Variants in RAP1GAP observed in about 807,000 individuals in gnomAD.
RAP1GAP encodes the protein RAP1 GTPase activating protein.
Under a neutral mutation model 87.2 loss-of-function variants are expected in RAP1GAP, and 35 were observed. That is an observed-to-expected ratio of 0.40 (90% confidence interval 0.31 to 0.53). The LOEUF is 0.53. Among genes scored for constraint, RAP1GAP ranks in the 20% least tolerant of loss-of-function variants. The pLI is 0.48. For synonymous variants in RAP1GAP, 375 were observed against 363.9 expected (o/e 1.03, Z -0.35); for missense variants, 734 against 898.9 (o/e 0.82, Z 2.35).
intron 2 of RAP1GAP, among the ~76,000 whole-genome samples, chr1:21,640,285 G>A (rs1026412469): frequency 2.6e-5 from 4 of 152,116 alleles, no homozygotes; most frequent in East Asian, 1.9e-4. Context: ...AAGCTGCTCC[G>A]AACCTGACCA....
chr1:21,639,737 C>T (rs1431090346), intron 2 of RAP1GAP, among the ~76,000 whole-genome samples: 4 of 152,144 alleles, frequency 2.6e-5, no homozygotes, highest in Non-Finnish European at 4.4e-5. Flanking sequence ...CTGGCTGGAC[C>T]CCAGGGCCCT....
chr1:21,613,719 A>G lies in RAP1GAP; in HGVS notation c.396-13T>C, dbSNP rs1296668032. The G allele has an allele frequency of 6.2e-7, 1 of 1,605,124 alleles. No homozygotes were observed. Among genetic ancestry groups the G allele is most frequent in the African/African-American group, 1.3e-5 (1 of 74,842 alleles). On this transcript the variant is annotated splice_polypyrimidine_tract_variant and intron_variant, in intron 8 of 24. Transcript: ENST00000374765. The surrounding 1 kb of genome is among the most constrained non-coding windows in gnomAD (Gnocchi z 4.7). ...CCGGCACTTGGTCCTGAGAAGAGAA[A>G]GTCACACGATGAAGGCCTGGGCAGC...
At position 21,613,825 on chromosome 1, in the gene RAP1GAP, T is replaced by C. The variant is rs893186559; in HGVS notation, c.396-119A>G. 1 of 1,191,796 alleles carries C rather than the reference T, an allele frequency of 8.4e-7. No individual in the cohort carries two copies. Among genetic ancestry groups the C allele is most frequent in the African/African-American group, 1.5e-5 (1 of 66,762 alleles). The allele number at this position is 1,191,796 out of a possible 1,614,324, so 73.8% of individuals were successfully genotyped here. ...CCACAGCGAGGACCAGAGGTGATGATGGGTGTCAGGCTGACTCGGGTACTA... is the reference window on the plus strand; with the variant it reads ...CCACAGCGAGGACCAGAGGTGATGACGGGTGTCAGGCTGACTCGGGTACTA... On this transcript the variant is annotated intron_variant, in intron 8 of 24. Transcript: ENST00000374765. This position sits in a 1 kb window ranked among gnomAD's most constrained non-coding sequence, Gnocchi z 4.7.
intron 18 of RAP1GAP, among the ~76,000 whole-genome samples, chr1:21,604,587 TG>T (rs2072376947): frequency 6.6e-6 from 1 of 152,094 alleles, no homozygotes; most frequent in South Asian, 2.1e-4. Flanking sequence ...CACAGGAGGC[TG>T]GGTCACTCTG....
At chr1:21,650,524 A>G (rs552585889) in intron 1 of RAP1GAP, among the ~76,000 whole-genome samples, 4 of 152,276 alleles carry the variant, frequency 2.6e-5, no homozygotes, top group African/African-American at 9.6e-5. Context: ...TTGGGACAAC[A>G]AACAACTCGC....
intron 17 of RAP1GAP, 46 bp downstream of exon 17, chr1:21,608,166 CT>C: frequency 6.2e-7 from 1 of 1,604,234 alleles, no homozygotes; most frequent in Non-Finnish European, 8.5e-7. Context: ...GGATTCCGCC[CT>C]AGCCACGTCC....
Position 21,622,361 on chromosome 1 carries a change from A to G in RAP1GAP, c.-18-2311T>C. 2.2e-6 allele frequency: 1 copy of G among 461,514 alleles called. No individual in the cohort carries two copies. 28.6% of individuals were successfully genotyped at this position (461,514 alleles called of 1,614,324 possible). On this transcript the variant is annotated intron_variant, in intron 3 of 24. Coordinates refer to ENST00000374765, the MANE Select transcript of RAP1GAP (RefSeq NM_002885.4). This position sits in a 1 kb window ranked among gnomAD's most constrained non-coding sequence, Gnocchi z 5.7. ...CACCTGCCAGCTGGCCCCCGCGGGCAGCGAGCCCCTCCGCGGACGGCCGGG... is the reference window on the plus strand; with the variant it reads ...CACCTGCCAGCTGGCCCCCGCGGGCGGCGAGCCCCTCCGCGGACGGCCGGG...
In RAP1GAP at chr1:21,596,280, A is replaced by C. The variant is rs971498039; in HGVS notation, c.*1019T>G. Reference sequence around the variant, plus strand: ...CTGTTACCGACATCCACACGGCCACAGGGGCTTCCAAAATGGGTATTGGGG... The same window carrying C: ...CTGTTACCGACATCCACACGGCCACCGGGGCTTCCAAAATGGGTATTGGGG... On this transcript the variant is annotated 3_prime_UTR_variant, in exon 25 of 25. Coordinates refer to ENST00000374765, the MANE Select transcript of RAP1GAP (RefSeq NM_002885.4). 2 of 152,288 alleles carry C rather than the reference A, an allele frequency of 1.3e-5. No homozygotes were observed. The allele number at this position is 152,288 out of a possible 1,614,324, so 9.4% of individuals were successfully genotyped here.
In RAP1GAP at chr1:21,609,645, A is replaced by G. The variant is rs775719580; in HGVS notation, c.1001T>C (p.Val334Ala). ...CACATCATCTCTTGCAGTGACAGAG[A>G]CCTGGAAGGGAGGGCAGCTGTCTGT... ...GGGPDGPLYK[V>A]SVTARDDVPF... Residue 334 changes from valine to alanine, a missense_variant and splice_region_variant, in exon 15 of 25, where the codon GTC becomes GCC. Coordinates refer to ENST00000374765, the MANE Select transcript of RAP1GAP (RefSeq NM_002885.4). This position sits in a 1 kb window ranked among gnomAD's most constrained non-coding sequence, Gnocchi z 4.4. The G allele has an allele frequency of 6.4e-7, 1 of 1,573,454 alleles. No individual in the cohort carries two copies. Among genetic ancestry groups the G allele is most frequent in the South Asian group, 1.2e-5 (1 of 81,718 alleles).
Position 21,602,818 on chromosome 1 carries a change from C to T in RAP1GAP, c.1524G>A (p.Glu508=). 1.2e-6 allele frequency: 2 copies of T among 1,608,656 alleles called. No individual in the cohort carries two copies. Among genetic ancestry groups the T allele is most frequent in the South Asian group, 1.1e-5 (1 of 91,012 alleles). ...CACTCACCCACCTCTTCTCCTGCAC[C>T]TCCTGTATGTTCTCGATGCCAATGG... ...SSAIGIENIQ[E]VQEKRESPPA... Residue 508 remains glutamate (E), a synonymous_variant, in exon 19 of 25, where the codon GAG becomes GAA. Transcript: ENST00000374765.
chr1:21,642,315 C>T (rs2095600848), intron 2 of RAP1GAP, among the ~76,000 whole-genome samples: 1 of 152,256 alleles, frequency 6.6e-6, no homozygotes, highest in Non-Finnish European at 1.5e-5. Context: ...GCAGTAACCG[C>T]AATAGCTGGC....
intron 5 of RAP1GAP, among the ~76,000 whole-genome samples, chr1:21,618,810 A>G (rs1013463396): frequency 6.6e-6 from 1 of 152,080 alleles, no homozygotes; most frequent in Non-Finnish European, 1.5e-5. Flanking sequence ...GCCCTCTAGC[A>G]AGAGAGGGGT....
intron 21 of RAP1GAP, among the ~76,000 whole-genome samples, chr1:21,598,946 G>C (rs1009268066): frequency 2.0e-5 from 3 of 152,272 alleles, no homozygotes; most frequent in Non-Finnish European, 4.4e-5. Context: ...CCCACTGATG[G>C]TTTGCAGAAT....
intron 2 of RAP1GAP, among the ~76,000 whole-genome samples, chr1:21,628,856 C>A (rs1265890803): frequency 6.6e-6 from 1 of 151,794 alleles, no homozygotes; most frequent in African/African-American, 2.4e-5. Context: ...CCACTGCACT[C>A]CAGCCTGGGC....
Position 21,606,052 on chromosome 1 carries a change from G to A in RAP1GAP, c.1428+14C>T, listed in dbSNP as rs1225735309. 1 of 1,571,604 alleles carries A rather than the reference G, an allele frequency of 6.4e-7. No individual in the cohort carries two copies. Among genetic ancestry groups the A allele is most frequent in the African/African-American group, 1.3e-5 (1 of 74,508 alleles). ...AGGGAGGGGCCGGGGCCTGGGGAGG[G>A]GGAGGGCACTCACTATTCCAGCCGC... On this transcript the variant is annotated intron_variant, in intron 18 of 24. Transcript: ENST00000374765.
At chr1:21,608,096 C>G (rs981576016) in intron 17 of RAP1GAP, 117 bp downstream of exon 17, 122 of 1,454,312 alleles carry the variant, frequency 8.4e-5, no homozygotes, top group Non-Finnish European at 7.2e-5. Context: ...CCCTCAGCCA[C>G]GCCCCTTCTG....
chr1:21,604,850 T>C (rs2072830438), intron 18 of RAP1GAP, among the ~76,000 whole-genome samples: 1 of 136,488 alleles, frequency 7.3e-6, no homozygotes, highest in African/African-American at 2.9e-5. Context: ...TAGAGATGGA[T>C]GGATGGATGG....
At chr1:21,607,169 C>T (rs574468701) in intron 17 of RAP1GAP, among the ~76,000 whole-genome samples, 2 of 152,134 alleles carry the variant, frequency 1.3e-5, no homozygotes, top group Non-Finnish European at 2.9e-5. Context: ...GTGGAGGAGA[C>T]GGTGGCAAAA....
Position 21,628,416 on chromosome 1 carries a change from A to T in RAP1GAP, c.-112-2019T>A, listed in dbSNP as rs2092915757. ...CATCTCTACTAAAAAAAAAAAAAAA[A>T]AAAAAAAAAAAAAAAAATACAGGCT... is the stretch of plus-strand genomic sequence containing the variant. On this transcript the variant is annotated intron_variant, in intron 2 of 24. Coordinates refer to ENST00000374765, the MANE Select transcript of RAP1GAP (RefSeq NM_002885.4). Among the ~76,000 whole-genome samples, 4 of 146,240 alleles carry T rather than the reference A, an allele frequency of 2.7e-5. No individual in the cohort carries two copies. The South Asian group carries it at 9.2e-4, about 33-fold the overall frequency.
Sources: allele counts gnomAD v4.1 joint callset (sites outside exome capture counted in the v4.1 genomes callset), GRCh38; gene constraint gnomAD v4.1.1; non-coding constraint Gnocchi (gnomAD v3.1); transcripts MANE v1.5; gene names NCBI Gene and HGNC (gene_info 2026-07-23, HGNC 2026-07-21).